Variants in PTPRD observed in about 807,000 individuals in gnomAD.
The protein encoded by PTPRD is protein tyrosine phosphatase receptor type D.
In PTPRD, 34 loss-of-function variants were observed where a neutral mutation model predicts 214.5. The ratio of observed to expected loss-of-function variants is 0.16; its 90% CI spans 0.12 to 0.21. The LOEUF (loss-of-function observed/expected upper bound fraction) is 0.21, where lower values mean the gene tolerates loss of function less well. Ranked by LOEUF, PTPRD falls within the 10% of genes least tolerant of loss-of-function variation. PTPRD has a pLI of 1.00. For synonymous variants in PTPRD, 1,128 were observed against 845.7 expected, an observed-to-expected ratio of 1.33 and a Z score of -5.79; for missense variants, 2,545 against 2,398.7, an observed-to-expected ratio of 1.06 and a Z score of -1.27.
chr9:8,962,222 G>A (rs1006603366), intron 11 of PTPRD: 3 of 152,126 alleles, frequency 2.0e-5, no homozygotes, highest in Non-Finnish European at 4.4e-5. Context: ...ATTACTTGGT[G>A]AGAACAAGTC....
At chr9:8,663,754 A>T (rs1596364557) in intron 12 of PTPRD, among the ~76,000 whole-genome samples, 1 of 152,030 alleles carries the variant, frequency 6.6e-6, no homozygotes, top group African/African-American at 2.4e-5. Flanking sequence ...GCCTCCCAAA[A>T]TGTTGGGATT....
intron 2 of PTPRD, among the ~76,000 whole-genome samples, chr9:10,433,785 C>T (rs1270860131): frequency 6.6e-6 from 1 of 151,688 alleles, no homozygotes; most frequent in African/African-American, 2.4e-5. Context: ...TTAAAGAATG[C>T]TTTTAATGTA....
chr9:9,352,201 A>G (rs1461956085), intron 9 of PTPRD, among the ~76,000 whole-genome samples: 1 of 151,670 alleles, frequency 6.6e-6, no homozygotes, highest in African/African-American at 2.4e-5. Flanking sequence ...CTTTTTAACA[A>G]TTGTATAGTA....
chr9:9,253,793 T>C (rs1025998415), intron 9 of PTPRD, among the ~76,000 whole-genome samples: 1 of 152,118 alleles, frequency 6.6e-6, no homozygotes, highest in Non-Finnish European at 1.5e-5. Context: ...TGTAACAAAT[T>C]ATCACAAACT....
intron 14 of PTPRD, among the ~76,000 whole-genome samples, chr9:8,603,694 T>C (rs991416345): frequency 2.0e-5 from 3 of 152,310 alleles, no homozygotes; most frequent in East Asian, 3.9e-4. Context: ...GGGAAGTTGA[T>C]GAAAAGTACA....
chr9:9,315,182 A>G (rs1961976973), intron 9 of PTPRD, among the ~76,000 whole-genome samples: 1 of 152,144 alleles, frequency 6.6e-6, no homozygotes, highest in East Asian at 1.9e-4. Flanking sequence ...AAGATAAAGA[A>G]GCTGAATTTC....
chr9:9,003,681 G>A (rs1446769226), intron 11 of PTPRD, among the ~76,000 whole-genome samples: 2 of 152,000 alleles, frequency 1.3e-5, no homozygotes, highest in African/African-American at 4.8e-5. Flanking sequence ...GATATCATTA[G>A]CAAGCATGTT....
intron 20 of PTPRD, among the ~76,000 whole-genome samples, chr9:8,519,115 G>C (rs931625639): frequency 3.9e-5 from 6 of 152,054 alleles, no homozygotes; most frequent in Non-Finnish European, 4.4e-5. Context: ...CAAAAGAATA[G>C]AAATTTCAAA....
At chr9:10,093,885 T>C (rs2154200892) in intron 3 of PTPRD, among the ~76,000 whole-genome samples, 1 of 151,398 alleles carries the variant, frequency 6.6e-6, no homozygotes, top group East Asian at 2.0e-4. Flanking sequence ...AGCTAAACAT[T>C]GAGTATGCAT....
intron 3 of PTPRD, among the ~76,000 whole-genome samples, chr9:10,259,045 C>T (rs1012889733): frequency 2.6e-5 from 4 of 151,828 alleles, no homozygotes; most frequent in Admixed American, 1.3e-4. Context: ...GTTTTTGAGA[C>T]GGAGTCTCAC....
intron 3 of PTPRD, among the ~76,000 whole-genome samples, chr9:10,226,329 C>T (rs2099588811): frequency 2.0e-5 from 3 of 152,034 alleles, no homozygotes; most frequent in African/African-American, 4.8e-5. Context: ...GCCTCCTTGC[C>T]CTGTGACCAT....
At chr9:10,537,190 A>G (rs1311401072) in intron 2 of PTPRD, among the ~76,000 whole-genome samples, 7 of 152,192 alleles carry the variant, frequency 4.6e-5, no homozygotes, top group Admixed American at 2.6e-4. Context: ...ATAGTTTAAC[A>G]ACGTATTTCT....
At chr9:9,579,777 A>T (rs186350513) in intron 7 of PTPRD, among the ~76,000 whole-genome samples, 34 of 152,276 alleles carry the variant, frequency 2.2e-4, no homozygotes, top group Non-Finnish European at 3.4e-4. Flanking sequence ...TGGTGAAGTC[A>T]GGGCTTTTAG....
At chr9:8,974,836 C>T (rs1490358040) in intron 11 of PTPRD, among the ~76,000 whole-genome samples, 1 of 151,982 alleles carries the variant, frequency 6.6e-6, no homozygotes, top group African/African-American at 2.4e-5. Context: ...GTGGCTCACA[C>T]CTTTAATCCC....
At position 9,372,575 on chromosome 9, in the gene PTPRD, A is replaced by G. The variant is rs149500572; in HGVS notation, c.-203+24874T>C. The stretch of plus-strand genomic sequence containing the variant: ...GTCTTGACTCTTTATCCCATTTGCC[A>G]GTCTGTGTCTTTTAATTGGAGGATT... On this transcript the variant is annotated intron_variant, in intron 9 of 45. Transcript: ENST00000381196. 4.1e-3 allele frequency among the ~76,000 whole-genome samples: 624 copies of G among 152,140 alleles called. 1 individual carries two copies. The highest frequency in any genetic ancestry group is 7.3e-3 in the South Asian group (35 of 4,820).
chr9:10,162,913 T>C (rs2099137825), intron 3 of PTPRD, among the ~76,000 whole-genome samples: 1 of 150,264 alleles, frequency 6.7e-6, no homozygotes, highest in East Asian at 1.9e-4. Context: ...AGGGAAAAAA[T>C]GTAAGCAAGA....
At chr9:9,680,262 C>A (rs2154396930) in intron 7 of PTPRD, among the ~76,000 whole-genome samples, 1 of 151,896 alleles carries the variant, frequency 6.6e-6, no homozygotes, top group East Asian at 1.9e-4. Flanking sequence ...AGTACATTTT[C>A]TGATTTGCAA....
intron 10 of PTPRD, among the ~76,000 whole-genome samples, chr9:9,021,929 C>A (rs1178423435): frequency 6.6e-6 from 1 of 150,896 alleles, no homozygotes; most frequent in Non-Finnish European, 1.5e-5. Flanking sequence ...ACAATGAGAA[C>A]ACGTGGACAC....
At chr9:8,690,967 T>C (rs1367396327) in intron 12 of PTPRD, among the ~76,000 whole-genome samples, 3 of 152,140 alleles carry the variant, frequency 2.0e-5, no homozygotes, top group Admixed American at 6.5e-5. Context: ...TTTTCCTCCA[T>C]CAAGGGAGGT....
Sources: allele counts gnomAD v4.1 joint callset (sites outside exome capture counted in the v4.1 genomes callset), GRCh38; gene constraint gnomAD v4.1.1; transcripts MANE v1.5; gene names NCBI Gene and HGNC (gene_info 2026-07-23, HGNC 2026-07-21).